The following NLK variants were observed in gnomAD, a reference collection of about 807,000 sequenced individuals.
NLK encodes serine/threonine-protein kinase NLK.
Under a neutral mutation model 59.0 loss-of-function variants are expected in NLK, and 11 were observed. The observed-to-expected ratio is 0.19, with a 90% CI of 0.12 to 0.31. The LOEUF is 0.31. NLK is among the 10% of genes least tolerant of loss of function. The pLI is 1.00. For missense variants in NLK, 410 were observed against 661.1 expected (o/e 0.62, Z 4.16); for synonymous variants, 235 against 235.9 (o/e 1.00, Z 0.03).
At chr17:28,197,975 A>T (rs1207283098), downstream of NLK, among the ~76,000 whole-genome samples, 1 of 152,222 alleles carries the variant, frequency 6.6e-6, no homozygotes, top group African/African-American at 2.4e-5. Context: ...AGAATGGTGA[A>T]CAAAGAAATC....
chr17:28,116,590 G>A (rs1179188363), intron 1 of NLK, among the ~76,000 whole-genome samples: 1 of 152,088 alleles, frequency 6.6e-6, no homozygotes, highest in African/African-American at 2.4e-5. Flanking sequence ...TCAGAACAAA[G>A]TTTTCTTTTC....
intron 1 of NLK, among the ~76,000 whole-genome samples, chr17:28,084,766 G>A (rs939978603): frequency 2.6e-5 from 4 of 152,156 alleles, no homozygotes; most frequent in South Asian, 2.1e-4. Context: ...GTTTCACCAC[G>A]TTGGCCAGGC....
chr17:28,083,891 G>T (rs1910428108), intron 1 of NLK, among the ~76,000 whole-genome samples: 1 of 152,098 alleles, frequency 6.6e-6, no homozygotes, highest in East Asian at 1.9e-4. Flanking sequence ...ACAGAGGAGT[G>T]GTTTAAGTTA....
rs569513583 is a variant in NLK, at chr17:28,071,350, A to G, written c.458+28019A>G. Among the ~76,000 whole-genome samples the G allele has an allele frequency of 8.5e-5, 13 of 152,302 alleles. 1 individual carries two copies. The South Asian group carries it at 2.7e-3, about 32-fold the overall frequency. On this transcript the variant is annotated intron_variant, in intron 1 of 10. Coordinates refer to ENST00000407008, the MANE Select transcript of NLK (RefSeq NM_016231.5). ...AAAAATCTGTTGGGATATTTATTGGAAGATGTCAACTCTGTAGATCAAATA... is the reference window on the plus strand; with the variant it reads ...AAAAATCTGTTGGGATATTTATTGGGAGATGTCAACTCTGTAGATCAAATA...
chr17:28,049,004 A>T (rs1909156970), intron 1 of NLK: 1 of 152,230 alleles, frequency 6.6e-6, no homozygotes, highest in Admixed American at 6.5e-5. Context: ...TGATTGGGCC[A>T]TCTAATACAG....
At chr17:28,078,974 C>G (rs1910258178) in intron 1 of NLK, among the ~76,000 whole-genome samples, 1 of 152,120 alleles carries the variant, frequency 6.6e-6, no homozygotes, top group South Asian at 2.1e-4. Flanking sequence ...TGTTGTGCAA[C>G]AGATCTCTAG....
chr17:28,054,828 G>C (rs1308992614), intron 1 of NLK, among the ~76,000 whole-genome samples: 1 of 152,234 alleles, frequency 6.6e-6, no homozygotes, highest in South Asian at 2.1e-4. Flanking sequence ...CATTTGGGAG[G>C]CTGAGACCAG....
chr17:28,177,218 A>C (rs1908718733), intron 7 of NLK, among the ~76,000 whole-genome samples: 1 of 152,140 alleles, frequency 6.6e-6, no homozygotes. Context: ...ATTTCTATTG[A>C]AAAAAATTCA....
chr17:28,166,645 A>C (rs913838479), intron 5 of NLK, among the ~76,000 whole-genome samples: 2 of 152,202 alleles, frequency 1.3e-5, no homozygotes, highest in Non-Finnish European at 2.9e-5. Flanking sequence ...TCTCATCCTC[A>C]GTGCTCCTAG....
intron 7 of NLK, among the ~76,000 whole-genome samples, chr17:28,179,872 GTTTTTTTT>G (rs34411493): frequency 2.1e-4 from 17 of 79,434 alleles, no homozygotes; most frequent in Non-Finnish European, 3.8e-4. Flanking sequence ...AGCATTCTTG[GTTTTTTTT>G]TTTTTTTTTT....
chr17:28,203,032 C>G, the NLK span, among the ~76,000 whole-genome samples: 68 of 152,006 alleles, frequency 4.5e-4, no homozygotes, highest in Non-Finnish European at 7.8e-4. Context: ...TGATTGTGTC[C>G]GTGTTCAGGG....
At chr17:28,173,327 T>A (rs917903341) in intron 7 of NLK, among the ~76,000 whole-genome samples, 1 of 152,150 alleles carries the variant, frequency 6.6e-6, no homozygotes, top group African/African-American at 2.4e-5. Context: ...GCAACAAATT[T>A]TCCTGAGTTT....
intron 7 of NLK, among the ~76,000 whole-genome samples, chr17:28,181,104 A>G (rs533633736): frequency 1.3e-5 from 2 of 152,176 alleles, no homozygotes; most frequent in South Asian, 2.1e-4. Context: ...AAAATTTTTA[A>G]AAAAGTTAGT....
chr17:28,162,314 C>G (rs1906081664), intron 4 of NLK, among the ~76,000 whole-genome samples: 2 of 152,022 alleles, frequency 1.3e-5, no homozygotes, highest in African/African-American at 4.8e-5. Flanking sequence ...TGCGCCCAGC[C>G]ACATAAGCAA....
chr17:28,075,706 G>A (rs1392323032), intron 1 of NLK, among the ~76,000 whole-genome samples: 2 of 152,164 alleles, frequency 1.3e-5, no homozygotes, highest in South Asian at 4.1e-4. Flanking sequence ...CTCAGTTAAG[G>A]GATGTAGAGT....
chr17:28,183,954 T>C (rs1038419018), intron 7 of NLK, among the ~76,000 whole-genome samples: 2 of 152,196 alleles, frequency 1.3e-5, no homozygotes, highest in Non-Finnish European at 2.9e-5. Context: ...AGATAAATAA[T>C]TTACTTGTGT....
intron 1 of NLK, among the ~76,000 whole-genome samples, chr17:28,068,613 T>C (rs1909911513): frequency 1.3e-5 from 2 of 152,240 alleles, no homozygotes; most frequent in African/African-American, 2.4e-5. Context: ...AACGTATATT[T>C]ATTCTGCAGT....
chr17:28,165,541 C>G (rs187499286), intron 5 of NLK, among the ~76,000 whole-genome samples: 5 of 152,188 alleles, frequency 3.3e-5, no homozygotes, highest in Non-Finnish European at 7.4e-5. Context: ...TCTTTCTTCT[C>G]AAACATACAA....
intron 1 of NLK, among the ~76,000 whole-genome samples, chr17:28,101,785 T>C (rs1201351309): frequency 6.6e-6 from 1 of 152,194 alleles, no homozygotes; most frequent in East Asian, 1.9e-4. Flanking sequence ...TATTTACTTG[T>C]TTACTTATTT....
Sources: gnomAD v4.1 joint callset for allele counts (sites outside exome capture counted in the v4.1 genomes callset) on GRCh38, gnomAD v4.1.1 for gene constraint, MANE v1.5 for transcripts, NCBI Gene and HGNC (gene_info 2026-07-23, HGNC 2026-07-21) for gene names.